The following MAGI2 variants were observed in gnomAD, a reference collection of about 807,000 sequenced individuals.
MAGI2 encodes membrane associated guanylate kinase, WW and PDZ domain containing 2, also known as membrane-associated guanylate kinase, WW and PDZ domain-containing protein 2.
Under a neutral mutation model 133.3 loss-of-function variants are expected in MAGI2, and 35 were observed. That is an observed-to-expected ratio of 0.26 (90% CI 0.20 to 0.35). The LOEUF (loss-of-function observed/expected upper bound fraction) is 0.35. Among genes scored for constraint, MAGI2 ranks in the 10% least tolerant of loss-of-function variants. MAGI2 has a pLI of 1.00. For missense variants in MAGI2, 1,636 were observed against 1,863.4 expected, an observed-to-expected ratio of 0.88 and a Z score of 2.25; for synonymous variants, 729 against 710.6, an observed-to-expected ratio of 1.03 and a Z score of -0.41.
chr7:78,806,765 G>A (rs1028367243), intron 2 of MAGI2, among the ~76,000 whole-genome samples: 1 of 151,858 alleles, frequency 6.6e-6, no homozygotes, highest in African/African-American at 2.4e-5. Flanking sequence ...CTACTTGGGA[G>A]GCTGAGGCAG....
At chr7:78,975,792 G>A (rs1343984884) in intron 2 of MAGI2, among the ~76,000 whole-genome samples, 3 of 151,550 alleles carry the variant, frequency 2.0e-5, no homozygotes, top group Non-Finnish European at 4.4e-5. Flanking sequence ...AAGAAAAAAA[G>A]GGAGATGATA....
chr7:78,563,744 C>T (rs1800647805), intron 3 of MAGI2, among the ~76,000 whole-genome samples: 1 of 152,140 alleles, frequency 6.6e-6, no homozygotes, highest in African/African-American at 2.4e-5. Flanking sequence ...ATAAAAATAC[C>T]CAATGCCTAT....
At chr7:78,845,508 T>G (rs1319365999) in intron 2 of MAGI2, among the ~76,000 whole-genome samples, 1 of 151,922 alleles carries the variant, frequency 6.6e-6, no homozygotes, top group Non-Finnish European at 1.5e-5. Flanking sequence ...ATCATTGTAA[T>G]GTATTGTTGA....
chr7:78,528,129 T>A (rs550644288), intron 3 of MAGI2, among the ~76,000 whole-genome samples: 1 of 152,230 alleles, frequency 6.6e-6, no homozygotes, highest in Non-Finnish European at 1.5e-5. Flanking sequence ...TGAGGATATG[T>A]CTTCGTGTTG....
At position 79,389,307 on chromosome 7, in the gene MAGI2, G is replaced by A. The variant is rs138124562; in HGVS notation, c.301+63713C>T. ...TAAAAGAAATTACGTACGATGATAA[G>A]TATCATAAAATTTCTTATGGAATAG... On this transcript the variant is annotated intron_variant, in intron 1 of 21. Transcript: ENST00000354212. 2.3e-3 allele frequency among the ~76,000 whole-genome samples: 357 copies of A among 152,082 alleles called. 3 individuals are homozygous for A. Among genetic ancestry groups the A allele is most frequent in the African/African-American group, 8.1e-3 (335 of 41,502 alleles).
rs895588791 is a variant in MAGI2, at chr7:78,844,953, A to G, written c.418+162137T>C. ...AGGAGAAAACTCTAGTTGATAAAGAAACTAGAAATCTATCTCTCAGTTCAG... is the reference window on the plus strand; with the variant it reads ...AGGAGAAAACTCTAGTTGATAAAGAGACTAGAAATCTATCTCTCAGTTCAG... On this transcript the variant is annotated intron_variant, in intron 2 of 21. Coordinates refer to ENST00000354212, the MANE Select transcript of MAGI2 (RefSeq NM_012301.4). 1.1e-4 allele frequency among the ~76,000 whole-genome samples: 17 copies of G among 151,992 alleles called. 1 individual carries two copies. The highest frequency in any genetic ancestry group is 4.6e-4 in the Admixed American group (7 of 15,216).
chr7:78,749,014 G>A (rs1157923504), intron 2 of MAGI2, among the ~76,000 whole-genome samples: 1 of 152,216 alleles, frequency 6.6e-6, no homozygotes, highest in Admixed American at 6.5e-5. Context: ...AGCTAGTGGT[G>A]AAACCTATTT....
At chr7:79,123,833 T>A (rs917066684) in intron 1 of MAGI2, among the ~76,000 whole-genome samples, 2 of 151,330 alleles carry the variant, frequency 1.3e-5, no homozygotes, top group Admixed American at 1.3e-4. Flanking sequence ...AAGTGCTTAT[T>A]TCATCATCTG....
At chr7:78,148,344 C>G (rs1259455712) in intron 16 of MAGI2, among the ~76,000 whole-genome samples, 1 of 152,050 alleles carries the variant, frequency 6.6e-6, no homozygotes, top group African/African-American at 2.4e-5. Context: ...AACTTTAGAA[C>G]AAAACAAATC....
At chr7:79,053,361 A>G (rs1397720116) in intron 1 of MAGI2, among the ~76,000 whole-genome samples, 4 of 152,302 alleles carry the variant, frequency 2.6e-5, no homozygotes, top group African/African-American at 9.6e-5. Flanking sequence ...CTACACAGAA[A>G]ATATCAGTTT....
At chr7:78,650,520 G>T (rs1194400742) in intron 2 of MAGI2, among the ~76,000 whole-genome samples, 3 of 152,156 alleles carry the variant, frequency 2.0e-5, no homozygotes, top group South Asian at 2.1e-4. Context: ...CTTTCAAAAG[G>T]TCAGGAGATT....
At chr7:79,137,455 T>TTTG (rs1213540180) in intron 1 of MAGI2, among the ~76,000 whole-genome samples, 6 of 149,152 alleles carry the variant, frequency 4.0e-5, no homozygotes, top group Non-Finnish European at 9.0e-5. Flanking sequence ...TTTTTGTTTT[T>TTTG]TTTTTTTTTT....
At position 78,906,837 on chromosome 7, in the gene MAGI2, T is replaced by C. The variant is rs1346520881; in HGVS notation, c.418+100253A>G. Among the ~76,000 whole-genome samples, 3 of 132,582 alleles carry C rather than the reference T, an allele frequency of 2.3e-5. No homozygotes were observed. The Admixed American group carries it at 2.3e-4, about 10-fold the overall frequency. The allele number at this position is 132,582 out of a possible 152,430, so 87.0% of individuals were successfully genotyped here. On this transcript the variant is annotated intron_variant, in intron 2 of 21. Transcript: ENST00000354212. ...ATGTATATATGTGTATGCACACATA[T>C]ATGAATGCATATCTATACATATGCA...
intron 1 of MAGI2, among the ~76,000 whole-genome samples, chr7:79,050,293 A>T (rs1053784773): frequency 1.3e-5 from 2 of 152,200 alleles, no homozygotes; most frequent in Non-Finnish European, 2.9e-5. Context: ...TTTACTGGTC[A>T]TCTCCTTCTG....
At chr7:78,819,776 T>C (rs1274686588) in intron 2 of MAGI2, among the ~76,000 whole-genome samples, 2 of 152,012 alleles carry the variant, frequency 1.3e-5, no homozygotes, top group East Asian at 3.8e-4. Context: ...AACCCATACA[T>C]GAAAGTTTTA....
intron 10 of MAGI2, among the ~76,000 whole-genome samples, chr7:78,225,989 C>A (rs1158859464): frequency 1.3e-5 from 2 of 152,000 alleles, no homozygotes; most frequent in Non-Finnish European, 2.9e-5. Flanking sequence ...TGGCAAAGAC[C>A]AGTTTTTAAA....
intron 1 of MAGI2, among the ~76,000 whole-genome samples, chr7:79,171,770 A>ATATTTTTT: frequency 2.6e-4 from 8 of 31,222 alleles, no homozygotes; most frequent in South Asian, 8.1e-4. Flanking sequence ...ATATATATAT[A>ATATTTTTT]TTTTTTTTTT....
At chr7:78,986,411 T>A (rs538665786) in intron 2 of MAGI2, among the ~76,000 whole-genome samples, 1 of 152,148 alleles carries the variant, frequency 6.6e-6, no homozygotes, top group African/African-American at 2.4e-5. Flanking sequence ...TGAAATACCA[T>A]CCCTAGGAGA....
At chr7:79,198,863 G>A (rs988309629) in intron 1 of MAGI2, among the ~76,000 whole-genome samples, 6 of 152,018 alleles carry the variant, frequency 3.9e-5, no homozygotes, top group Admixed American at 1.3e-4. Flanking sequence ...ACTCTAGGCT[G>A]GGTGACAGAA....
Sources: allele counts gnomAD v4.1 joint callset (sites outside exome capture counted in the v4.1 genomes callset), GRCh38; gene constraint gnomAD v4.1.1; transcripts MANE v1.5; gene names NCBI Gene and HGNC (gene_info 2026-07-23, HGNC 2026-07-21).